CDK8: variants seen among roughly 807,000 people sequenced by gnomAD.
CDK8 encodes cyclin dependent kinase 8.
A neutral mutation model predicts 71.5 loss-of-function variants in CDK8; 29 were observed. The ratio of observed to expected loss-of-function variants is 0.41; its 90% CI spans 0.30 to 0.55. CDK8 has a LOEUF of 0.55. Ranked by LOEUF, CDK8 falls within the 20% of genes least tolerant of loss-of-function variation. The pLI is 0.37. For missense variants in CDK8, 288 were observed against 572.6 expected, an observed-to-expected ratio of 0.50 and a Z score of 5.07; for synonymous variants, 161 against 192.1, an observed-to-expected ratio of 0.84 and a Z score of 1.34.
chr13:26,342,278 C>G (rs1873275171), intron 2 of CDK8, among the ~76,000 whole-genome samples: 1 of 152,162 alleles, frequency 6.6e-6, no homozygotes, highest in African/African-American at 2.4e-5. Context: ...GTATTAAAAA[C>G]TAGGATCTAC....
At chr13:26,275,648 A>T (rs983015729) in intron 1 of CDK8, among the ~76,000 whole-genome samples, 15 of 152,230 alleles carry the variant, frequency 9.9e-5, no homozygotes, top group African/African-American at 3.4e-4. Flanking sequence ...TACAGAATTT[A>T]AAAAATGTAC....
At chr13:26,265,112 C>T (rs1251349423) in intron 1 of CDK8, among the ~76,000 whole-genome samples, 1 of 152,104 alleles carries the variant, frequency 6.6e-6, no homozygotes, top group African/African-American at 2.4e-5. Flanking sequence ...TCTTTGATTG[C>T]TGGATTGAAT....
chr13:26,389,725 C>T (rs977235984), intron 6 of CDK8, among the ~76,000 whole-genome samples: 12 of 151,806 alleles, frequency 7.9e-5, no homozygotes, highest in African/African-American at 2.2e-4. Flanking sequence ...AGGTCAGGCA[C>T]GGTGGCTCAC....
At chr13:26,303,067 T>C (rs1873892444) in intron 1 of CDK8, among the ~76,000 whole-genome samples, 1 of 152,156 alleles carries the variant, frequency 6.6e-6, no homozygotes, top group African/African-American at 2.4e-5. Flanking sequence ...TTCTATTTTA[T>C]GTATGCAGGC....
chr13:26,263,216 A>G (rs1459314931), intron 1 of CDK8, among the ~76,000 whole-genome samples: 1 of 151,734 alleles, frequency 6.6e-6, no homozygotes, highest in African/African-American at 2.4e-5. Flanking sequence ...GCTCACTGCT[A>G]GCTCCGCTTC....
intron 4 of CDK8, among the ~76,000 whole-genome samples, chr13:26,376,304 C>CCTTTAGGAGAAGTAATG (rs1280194172): frequency 1.2e-4 from 19 of 152,116 alleles, no homozygotes; most frequent in African/African-American, 3.9e-4. Flanking sequence ...TGATACTTCT[C>CCTTTAGGAGAAGTAATG]CTTTAAGATG....
intron 1 of CDK8, among the ~76,000 whole-genome samples, chr13:26,318,070 T>C (rs1485629058): frequency 1.3e-5 from 2 of 151,788 alleles, no homozygotes; most frequent in South Asian, 2.1e-4. Context: ...CAGACTTAAG[T>C]TGATAAAATT....
intron 12 of CDK8, among the ~76,000 whole-genome samples, chr13:26,402,841 G>A (rs573921942): frequency 6.6e-5 from 10 of 152,234 alleles, no homozygotes; most frequent in Admixed American, 6.5e-4. Context: ...CTGCTTTGTT[G>A]GTGTGATTGT....
At position 26,404,228 on chromosome 13, in the gene CDK8, C is replaced by A; in HGVS notation, c.*147C>A. The A allele has an allele frequency of 1.1e-6, 1 of 891,662 alleles. No individual in the cohort carries two copies. Among genetic ancestry groups the A allele is most frequent in the Non-Finnish European group, 1.7e-6 (1 of 602,294 alleles). The allele number at this position is 891,662 out of a possible 1,614,324, so 55.2% of individuals were successfully genotyped here. On this transcript the variant is annotated 3_prime_UTR_variant, in exon 13 of 13. Coordinates refer to ENST00000381527, the MANE Select transcript of CDK8 (RefSeq NM_001260.3). Reference sequence around the variant, plus strand: ...AGTAGCCAAGTTCCACCACTTTTCACAGATTGGGGTAGTGGCTTCCAAGTT... The same window carrying A: ...AGTAGCCAAGTTCCACCACTTTTCAAAGATTGGGGTAGTGGCTTCCAAGTT...
chr13:26,326,678 T>C (rs1875032720), intron 1 of CDK8, among the ~76,000 whole-genome samples: 1 of 152,170 alleles, frequency 6.6e-6, no homozygotes, highest in African/African-American at 2.4e-5. Context: ...AATTTGAGGA[T>C]CTGTTGCGAT....
intron 1 of CDK8, among the ~76,000 whole-genome samples, chr13:26,273,544 A>G (rs1872427132): frequency 6.6e-6 from 1 of 152,066 alleles, no homozygotes; most frequent in Admixed American, 6.6e-5. Flanking sequence ...GTATTATATA[A>G]TAAAAATTAT....
chr13:26,400,532 A>T lies in CDK8; in HGVS notation c.1013A>T (p.Asp338Val). 1 of 1,609,246 alleles carries T rather than the reference A, an allele frequency of 6.2e-7. No homozygotes were observed. ...QAMQDPYFLE[D>V]PLPTSDVFAG... ...ATGCAGGACCCCTATTTCTTAGAAG[A>T]CCCACTTCCTACATCAGAGTAAGTG... Residue 338 changes from aspartate to valine, a missense_variant, in exon 10 of 13, where the codon GAC becomes GTC. By Grantham distance (152) the Asp-to-Val change is radical. Around this residue, in one of 6 missense-constraint regions of CDK8, gnomAD observed 96 missense variants for 229.8 expected, o/e 0.42. Transcript: ENST00000381527.
intron 2 of CDK8, among the ~76,000 whole-genome samples, chr13:26,345,477 G>A (rs886291806): frequency 6.6e-6 from 1 of 152,062 alleles, no homozygotes; most frequent in African/African-American, 2.4e-5. Context: ...CACCTCCCAG[G>A]CTCAAGCGAT....
intron 1 of CDK8, among the ~76,000 whole-genome samples, chr13:26,308,875 A>G (rs1438255863): frequency 6.6e-6 from 1 of 152,252 alleles, no homozygotes; most frequent in African/African-American, 2.4e-5. Context: ...TTACAGAGAC[A>G]GTATCACATA....
intron 2 of CDK8, among the ~76,000 whole-genome samples, chr13:26,339,797 T>A (rs1319616523): frequency 6.8e-6 from 1 of 146,814 alleles, no homozygotes; most frequent in Non-Finnish European, 1.5e-5. Flanking sequence ...CCTGAGATAT[T>A]TCTGAACTCA....
At chr13:26,293,482 G>A (rs1308029570) in intron 1 of CDK8, among the ~76,000 whole-genome samples, 9 of 151,708 alleles carry the variant, frequency 5.9e-5, no homozygotes, top group Admixed American at 1.3e-4. Context: ...GTGTGCACCT[G>A]TAGTCTCAGC....
intron 4 of CDK8, among the ~76,000 whole-genome samples, chr13:26,374,510 A>T (rs1392486107): frequency 1.3e-5 from 2 of 152,184 alleles, no homozygotes; most frequent in African/African-American, 4.8e-5. Flanking sequence ...TAAAAGCTCT[A>T]TAAAAACACT....
intron 6 of CDK8, among the ~76,000 whole-genome samples, chr13:26,392,197 T>C (rs1188512440): frequency 1.3e-5 from 2 of 152,190 alleles, no homozygotes; most frequent in Non-Finnish European, 2.9e-5. Context: ...CTAATAGTTC[T>C]TTTGAGTACA....
chr13:26,354,478 C>T (rs1873809419), intron 4 of CDK8, among the ~76,000 whole-genome samples: 1 of 152,168 alleles, frequency 6.6e-6, no homozygotes, highest in African/African-American at 2.4e-5. Flanking sequence ...CCATCTTGCA[C>T]AGGGGTCCCC....
Sources: gnomAD v4.1 joint callset for allele counts (sites outside exome capture counted in the v4.1 genomes callset) on GRCh38, gnomAD v4.1.1 for gene constraint, gnomAD v4.1.1 regional missense constraint, MANE v1.5 for transcripts, NCBI Gene and HGNC (gene_info 2026-07-23, HGNC 2026-07-21) for gene names.